PTK2: variants seen among roughly 807,000 people sequenced by gnomAD.
PTK2 encodes the protein focal adhesion kinase 1.
Under a neutral mutation model 150.1 loss-of-function variants are expected in PTK2, and 45 were observed. The ratio of observed to expected loss-of-function variants is 0.30; its 90% CI spans 0.24 to 0.38. The LOEUF (loss-of-function observed/expected upper bound fraction) is 0.38, where lower values mean the gene tolerates loss of function less well. PTK2 is among the 10% of genes least tolerant of loss of function. The pLI is 1.00. For synonymous variants in PTK2, 432 were observed against 449.2 expected (o/e 0.96, Z 0.48); for missense variants, 919 against 1,307.3 (o/e 0.70, Z 4.58).
At chr8:140,913,828 T>C (rs932483407) in intron 2 of PTK2, among the ~76,000 whole-genome samples, 2 of 152,188 alleles carry the variant, frequency 1.3e-5, no homozygotes, top group Non-Finnish European at 2.9e-5. Flanking sequence ...ATATATTAAT[T>C]CAACTTATAA....
intron 2 of PTK2, among the ~76,000 whole-genome samples, chr8:140,912,324 G>C (rs950368571): frequency 6.6e-6 from 1 of 151,746 alleles, no homozygotes; most frequent in Non-Finnish European, 1.5e-5. Context: ...AGCAATGCAG[G>C]TTGTTTTAAC....
At chr8:140,658,503 A>AT (rs2075350498) in exon 32 of PTK2, 1 of 191,878 alleles carries the variant, frequency 5.2e-6, no homozygotes, top group Non-Finnish European at 1.1e-5. Context: ...GGGAGGGTAT[A>AT]TTTTTTCAAA....
At chr8:140,770,452 C>T (rs1437669144) in intron 14 of PTK2, among the ~76,000 whole-genome samples, 2 of 152,176 alleles carry the variant, frequency 1.3e-5, no homozygotes, top group African/African-American at 2.4e-5. Context: ...AACTGAGAAG[C>T]GACTTCTTGC....
chr8:140,743,470 GAT>G (rs1439403838), intron 19 of PTK2, 140 bp from the exon 23 acceptor site: 2 of 494,296 alleles, frequency 4.0e-6, no homozygotes, highest in African/African-American at 3.8e-5. Context: ...TTTATTATAG[GAT>G]ATATATAATA....
intron 4 of PTK2, among the ~76,000 whole-genome samples, chr8:140,878,210 A>G (rs1397603859): frequency 2.6e-5 from 4 of 152,214 alleles, no homozygotes; most frequent in Non-Finnish European, 1.5e-5. Context: ...CTCAAGGAGT[A>G]TTTTGTTAGC....
chr8:140,896,300 T>C (rs2100156183), intron 2 of PTK2, among the ~76,000 whole-genome samples: 1 of 152,204 alleles, frequency 6.6e-6, no homozygotes, highest in Non-Finnish European at 1.5e-5. Context: ...ACTTGTTTTA[T>C]GACACCTGCA....
At chr8:140,957,990 A>C (rs1020648255) in intron 1 of PTK2, among the ~76,000 whole-genome samples, 16 of 152,240 alleles carry the variant, frequency 1.1e-4, no homozygotes, top group African/African-American at 3.6e-4. Context: ...TATTTCATTT[A>C]TCTCTCATGA....
At chr8:140,740,540 G>A (rs1042651988) in intron 20 of PTK2, among the ~76,000 whole-genome samples, 5 of 152,206 alleles carry the variant, frequency 3.3e-5, no homozygotes, top group African/African-American at 9.7e-5. Flanking sequence ...ACCTTTTGGA[G>A]TTTGTACTTA....
intron 14 of PTK2, among the ~76,000 whole-genome samples, chr8:140,774,217 G>A (rs935073302): frequency 6.6e-6 from 1 of 152,200 alleles, no homozygotes; most frequent in Non-Finnish European, 1.5e-5. Context: ...TCCATACTGT[G>A]AGGGAGAACT....
Position 140,960,505 on chromosome 8 carries a change from G to A in PTK2, c.-121-34756C>T, listed in dbSNP as rs189538754. ...TTACAGGTATGAGCCACCGCGGCTG[G>A]CCCATTTTAACCCTTAAAAAAAGAA... On this transcript the variant is annotated intron_variant, in intron 1 of 31. Transcript: ENST00000522684. Among the ~76,000 whole-genome samples, 100 of 152,050 alleles carry A rather than the reference G, an allele frequency of 6.6e-4. 1 individual carries two copies. Among genetic ancestry groups the A allele is most frequent in the African/African-American group, 2.3e-3 (97 of 41,498 alleles).
At chr8:140,928,572 T>A (rs2100170559) in intron 1 of PTK2, among the ~76,000 whole-genome samples, 1 of 152,152 alleles carries the variant, frequency 6.6e-6, no homozygotes, top group Non-Finnish European at 1.5e-5. Context: ...CATCCACAAA[T>A]AAACAACATG....
intron 20 of PTK2, 128 bp from the exon 24 acceptor site, chr8:140,739,235 T>C: frequency 2.0e-6 from 1 of 507,586 alleles, no homozygotes; most frequent in Non-Finnish European, 3.3e-6. Context: ...TTCCATTTAT[T>C]TGGGAGAACT....
At chr8:140,819,301 G>A (rs950600495) in intron 8 of PTK2, among the ~76,000 whole-genome samples, 1 of 152,086 alleles carries the variant, frequency 6.6e-6, no homozygotes, top group Non-Finnish European at 1.5e-5. Flanking sequence ...TGTACTATAT[G>A]TGCACATGAC....
chr8:140,862,134 T>A (rs952718567), intron 5 of PTK2, among the ~76,000 whole-genome samples: 10 of 152,164 alleles, frequency 6.6e-5, no homozygotes, highest in African/African-American at 2.2e-4. Context: ...AGTTGCAGAC[T>A]TTTAGGTTAG....
At chr8:140,823,855 C>T (rs1419476817) in intron 8 of PTK2, among the ~76,000 whole-genome samples, 1 of 152,182 alleles carries the variant, frequency 6.6e-6, no homozygotes, top group Non-Finnish European at 1.5e-5. Flanking sequence ...TCTTCTTCCT[C>T]CTCCCACATT....
intron 1 of PTK2, among the ~76,000 whole-genome samples, chr8:140,974,151 T>C (rs968630624): frequency 1.3e-5 from 2 of 152,112 alleles, no homozygotes; most frequent in Non-Finnish European, 2.9e-5. Flanking sequence ...CAGAACACAA[T>C]ACGAATCTGC....
intron 5 of PTK2, among the ~76,000 whole-genome samples, chr8:140,857,001 C>A (rs1379038589): frequency 6.6e-6 from 1 of 152,092 alleles, no homozygotes; most frequent in Non-Finnish European, 1.5e-5. Context: ...AAAATTCTTT[C>A]AACACTGCAG....
chr8:140,884,188 C>T (rs1428625913), intron 3 of PTK2, among the ~76,000 whole-genome samples: 1 of 152,142 alleles, frequency 6.6e-6, no homozygotes, highest in Admixed American at 6.6e-5. Flanking sequence ...AGGATGTAGG[C>T]ATCTTTAGGA....
At chr8:140,733,548 T>C (rs1342496211) in intron 22 of PTK2, among the ~76,000 whole-genome samples, 1 of 151,950 alleles carries the variant, frequency 6.6e-6, no homozygotes, top group African/African-American at 2.4e-5. Flanking sequence ...AGAGGAACAA[T>C]GCCAAGGACA....
Sources: allele counts gnomAD v4.1 joint callset (sites outside exome capture counted in the v4.1 genomes callset), GRCh38; gene constraint gnomAD v4.1.1; transcripts MANE v1.5; gene names NCBI Gene and HGNC (gene_info 2026-07-23, HGNC 2026-07-21).